The following DGKB variants were observed in gnomAD, a reference collection of about 807,000 sequenced individuals.
DGKB encodes 90 kDa diacylglycerol kinase.
A neutral mutation model predicts 114.3 loss-of-function variants in DGKB; 67 were observed. The ratio of observed to expected loss-of-function variants is 0.59; its 90% CI spans 0.48 to 0.72. The LOEUF (loss-of-function observed/expected upper bound fraction) is 0.72. DGKB is among the 30% of genes least tolerant of loss of function. The pLI, the probability that DGKB is intolerant of heterozygous loss-of-function variation, is 0.00. For missense variants in DGKB, 907 were observed against 975.2 expected, an observed-to-expected ratio of 0.93 and a Z score of 0.93; for synonymous variants, 398 against 323.1, an observed-to-expected ratio of 1.23 and a Z score of -2.49.
chr7:14,672,371 T>A (rs1465336153), intron 13 of DGKB, among the ~76,000 whole-genome samples: 1 of 152,142 alleles, frequency 6.6e-6, no homozygotes, highest in Non-Finnish European at 1.5e-5. Context: ...CTTTTCATAG[T>A]TACTTTACTC....
intron 21 of DGKB, among the ~76,000 whole-genome samples, chr7:14,453,164 T>C (rs376682495): frequency 6.6e-6 from 1 of 152,142 alleles, no homozygotes; most frequent in South Asian, 2.1e-4. Context: ...TGGGTCATTT[T>C]ACAGAGGAGG....
chr7:14,255,097 C>T (rs1300200565), intron 23 of DGKB, among the ~76,000 whole-genome samples: 2 of 152,116 alleles, frequency 1.3e-5, no homozygotes, highest in Non-Finnish European at 2.9e-5. Flanking sequence ...ATGGGCACGA[C>T]AATGTGAAGA....
chr7:14,308,884 C>A (rs979347937), intron 23 of DGKB, among the ~76,000 whole-genome samples: 1 of 152,102 alleles, frequency 6.6e-6, no homozygotes, highest in African/African-American at 2.4e-5. Flanking sequence ...TTTGTTACAG[C>A]CTTTGAGTTA....
intron 23 of DGKB, among the ~76,000 whole-genome samples, chr7:14,201,118 ACAT>A (rs1785799650): frequency 6.6e-6 from 1 of 152,024 alleles, no homozygotes; most frequent in Admixed American, 6.6e-5. Flanking sequence ...TGGAAATCCA[ACAT>A]CAAGGCACTA....
intron 1 of DGKB, among the ~76,000 whole-genome samples, chr7:14,930,208 C>A (rs960019090): frequency 6.6e-6 from 1 of 151,922 alleles, no homozygotes; most frequent in Non-Finnish European, 1.5e-5. Flanking sequence ...TCTTTTGGGT[C>A]TTTTTGGTTC....
rs1795752254 is a variant in DGKB, at chr7:14,555,548, C to T, written c.1770+18664G>A. Among the ~76,000 whole-genome samples, 3 of 152,028 alleles carry T rather than the reference C, an allele frequency of 2.0e-5. No homozygotes were observed. In the South Asian group the frequency reaches 6.2e-4, roughly 32 times the overall value. Reference sequence around the variant, plus strand: ...GATCTCTTAATAATACTGAATCTGTCCATGAAGGAATGTCAGAGGCATTTG... The same window carrying T: ...GATCTCTTAATAATACTGAATCTGTTCATGAAGGAATGTCAGAGGCATTTG... On this transcript the variant is annotated intron_variant, in intron 20 of 25. Transcript: ENST00000402815.
chr7:14,672,244 G>A (rs1164376121), intron 13 of DGKB, among the ~76,000 whole-genome samples: 2 of 152,040 alleles, frequency 1.3e-5, no homozygotes, highest in African/African-American at 2.4e-5. Flanking sequence ...AAAATGAGAA[G>A]TGCATCATGG....
At chr7:14,961,984 A>T (rs1001270846) in intron 1 of DGKB, among the ~76,000 whole-genome samples, 2 of 152,124 alleles carry the variant, frequency 1.3e-5, no homozygotes, top group African/African-American at 4.8e-5. Context: ...ATGGGTAAAA[A>T]CATGTCCTCT....
chr7:14,746,960 T>A (rs1039117573), intron 4 of DGKB, among the ~76,000 whole-genome samples: 1 of 146,782 alleles, frequency 6.8e-6, no homozygotes, highest in African/African-American at 2.7e-5. Context: ...AAAAAAAAAA[T>A]CTTCCTTTGA....
intron 1 of DGKB, among the ~76,000 whole-genome samples, chr7:14,919,571 G>T (rs1784417085): frequency 6.6e-6 from 1 of 152,092 alleles, no homozygotes; most frequent in Non-Finnish European, 1.5e-5. Context: ...CCAATCGCAA[G>T]GTTTTAATTG....
intron 4 of DGKB, among the ~76,000 whole-genome samples, chr7:14,750,817 C>CTTTTTTTTTTTTTTTTT (rs1834011007): frequency 1.6e-5 from 1 of 62,626 alleles, no homozygotes; most frequent in Non-Finnish European, 4.2e-5. Context: ...TTTTTTTTTT[C>CTTTTTTTTTTTTTTTTT]TGAGACAGAG....
chr7:14,550,067 G>C (rs1319696614), intron 20 of DGKB, among the ~76,000 whole-genome samples: 1 of 151,460 alleles, frequency 6.6e-6, no homozygotes, highest in Non-Finnish European at 1.5e-5. Flanking sequence ...AACTAAAACA[G>C]TAATTTTGTT....
chr7:14,642,520 C>T (rs2128876887), intron 13 of DGKB, among the ~76,000 whole-genome samples: 1 of 152,224 alleles, frequency 6.6e-6, no homozygotes, highest in African/African-American at 2.4e-5. Flanking sequence ...TGTTTAGGTA[C>T]TGTCCAATAC....
intron 21 of DGKB, among the ~76,000 whole-genome samples, chr7:14,449,160 C>A (rs1831124369): frequency 6.6e-6 from 1 of 151,972 alleles, no homozygotes; most frequent in Non-Finnish European, 1.5e-5. Context: ...TTGATAAGAT[C>A]TGTTCTTTTT....
chr7:14,840,834 T>TTCTCACTCTCTGC (rs765732110), intron 2 of DGKB, among the ~76,000 whole-genome samples: 15 of 151,892 alleles, frequency 9.9e-5, no homozygotes, highest in Non-Finnish European at 2.1e-4. Context: ...TTTTCCTTCC[T>TTCTCACTCTCTGC]TCTCACTCTC....
At chr7:14,257,560 C>G (rs1373804442) in intron 23 of DGKB, among the ~76,000 whole-genome samples, 1 of 152,070 alleles carries the variant, frequency 6.6e-6, no homozygotes, top group Non-Finnish European at 1.5e-5. Flanking sequence ...CCATGCTGTT[C>G]TCGTGATAGT....
At chr7:14,846,692 A>G (rs1848666624) in intron 1 of DGKB, among the ~76,000 whole-genome samples, 2 of 152,346 alleles carry the variant, frequency 1.3e-5, no homozygotes, top group African/African-American at 4.8e-5. Context: ...TTTAGCAAGC[A>G]GTCTAATTCT....
chr7:14,769,117 GAA>G lies in DGKB; in HGVS notation c.71-11388_71-11387del, dbSNP rs752881178. ...AGAAAGAAAGAAAGAAAGAAAGAAA[GAA>G]AGAAAGAGAGAGAGAGAAAGAAAGA... is the stretch of plus-strand genomic sequence containing the variant. On this transcript the variant is annotated intron_variant, in intron 2 of 25. Transcript: ENST00000402815. 7.5e-3 allele frequency among the ~76,000 whole-genome samples: 774 copies of G among 103,606 alleles called. 1 individual carries two copies. Among genetic ancestry groups the G allele is most frequent in the Non-Finnish European group, 0.01 (594 of 57,334 alleles). 68.0% of individuals were successfully genotyped at this position (103,606 alleles called of 152,430 possible). A position where few individuals can be genotyped will look rare whatever the true frequency, so the allele number is the denominator to read the frequency against.
At chr7:14,392,995 G>GTGTTTTTTTTTTTTTTTTTT (rs1821577015) in intron 21 of DGKB, among the ~76,000 whole-genome samples, 3 of 60,546 alleles carry the variant, frequency 5.0e-5, no homozygotes, top group African/African-American at 9.7e-5. Flanking sequence ...TTTTGTTTTT[G>GTGTTTTTTTTTTTTTTTTTT]TTTTTTTTTT....
Sources: allele counts gnomAD v4.1 joint callset (sites outside exome capture counted in the v4.1 genomes callset), GRCh38; gene constraint gnomAD v4.1.1; transcripts MANE v1.5; gene names NCBI Gene and HGNC (gene_info 2026-07-23, HGNC 2026-07-21).